Variants in ZHX2 observed in about 807,000 individuals in gnomAD.
ZHX2 encodes zinc fingers and homeoboxes protein 2.
A neutral mutation model predicts 21.9 loss-of-function variants in ZHX2; 6 were observed. The ratio of observed to expected loss-of-function variants is 0.27; its 90% CI spans 0.15 to 0.54. The LOEUF (loss-of-function observed/expected upper bound fraction) is 0.54. Ranked by LOEUF, ZHX2 falls within the 20% of genes least tolerant of loss-of-function variation. The pLI is 0.95. For missense variants in ZHX2, 908 were observed against 1,090.7 expected, an observed-to-expected ratio of 0.83 and a Z score of 2.36; for synonymous variants, 434 against 437.1, an observed-to-expected ratio of 0.99 and a Z score of 0.09.
chr8:122,947,681 A>G (rs4871329), intron 2 of ZHX2, among the ~76,000 whole-genome samples: 2,147 of 152,290 alleles, frequency 0.014, 45 homozygotes, highest in Admixed American at 0.057. Flanking sequence ...AGCTGTCAGC[A>G]AAAGCCTCTC....
chr8:122,923,699 G>A (rs1446568235), intron 2 of ZHX2, among the ~76,000 whole-genome samples: 1 of 152,210 alleles, frequency 6.6e-6, no homozygotes, highest in Non-Finnish European at 1.5e-5. Context: ...GAGACTGAGA[G>A]CAGAACTAAG....
chr8:122,876,248 C>T (rs1259471096), intron 2 of ZHX2, among the ~76,000 whole-genome samples: 1 of 151,922 alleles, frequency 6.6e-6, no homozygotes, highest in Non-Finnish European at 1.5e-5. Context: ...CCTGGGTCCT[C>T]CAAATTCATT....
chr8:122,834,942 G>A (rs752410435), intron 1 of ZHX2, among the ~76,000 whole-genome samples: 51 of 152,192 alleles, frequency 3.4e-4, no homozygotes, highest in Non-Finnish European at 6.5e-4. Flanking sequence ...TCCCAGTGGG[G>A]GTCCTGGTTG....
chr8:122,970,772 G>A (rs1281465877), intron 3 of ZHX2, among the ~76,000 whole-genome samples: 1 of 152,166 alleles, frequency 6.6e-6, no homozygotes, highest in East Asian at 1.9e-4. Context: ...GAAAGCACCG[G>A]CAGAGGCTGG....
At chr8:122,818,789 G>A (rs909669635) in intron 1 of ZHX2, among the ~76,000 whole-genome samples, 3 of 152,226 alleles carry the variant, frequency 2.0e-5, no homozygotes, top group Non-Finnish European at 2.9e-5. Context: ...TCCTGCTGCT[G>A]CTTTTCCCTG....
chr8:122,824,117 A>C (rs1586589182), intron 1 of ZHX2, among the ~76,000 whole-genome samples: 1 of 152,188 alleles, frequency 6.6e-6, no homozygotes, highest in South Asian at 2.1e-4. Flanking sequence ...GTCTCATCTC[A>C]TCACTTAGTC....
At chr8:122,806,864 A>G (rs1404984380) in intron 1 of ZHX2, among the ~76,000 whole-genome samples, 1 of 152,254 alleles carries the variant, frequency 6.6e-6, no homozygotes. Context: ...ACAGATGGGA[A>G]GCCTGAGGCA....
chr8:122,793,193 G>T (rs1166115484), intron 1 of ZHX2, among the ~76,000 whole-genome samples: 1 of 152,214 alleles, frequency 6.6e-6, no homozygotes, highest in Non-Finnish European at 1.5e-5. Flanking sequence ...GTGTCATGTT[G>T]TCATTGGCAT....
chr8:122,937,296 A>G (rs150923722), intron 2 of ZHX2, among the ~76,000 whole-genome samples: 26 of 152,364 alleles, frequency 1.7e-4, no homozygotes, highest in Admixed American at 1.1e-3. Flanking sequence ...AACCAGTGCT[A>G]TCCCGGTTTC....
intron 2 of ZHX2, among the ~76,000 whole-genome samples, chr8:122,936,202 C>G (rs570080805): frequency 3.9e-4 from 60 of 152,324 alleles, no homozygotes; most frequent in African/African-American, 1.4e-3. Context: ...GTGCCTCTCA[C>G]AGTTCACTCC....
At position 122,782,877 on chromosome 8, in the gene ZHX2, G is replaced by C. The variant is rs920957355; in HGVS notation, c.-283+931G>C. Among the ~76,000 whole-genome samples the C allele has an allele frequency of 1.3e-5, 2 of 152,250 alleles. No homozygotes were observed. Among genetic ancestry groups the C allele is most frequent in the Non-Finnish European group, 2.9e-5 (2 of 68,046 alleles). On this transcript the variant is annotated intron_variant, in intron 1 of 3. Transcript: ENST00000314393. This position sits in a 1 kb window ranked among gnomAD's most constrained non-coding sequence, Gnocchi z 5.3. ...CCCCACAAGAGGTTAATCTTTGTTG[G>C]TGTTGCAGCTTCTTTGTGGCTTCCC...
intron 2 of ZHX2, among the ~76,000 whole-genome samples, chr8:122,910,158 C>G (rs1482251303): frequency 1.3e-5 from 2 of 151,072 alleles, no homozygotes; most frequent in East Asian, 3.9e-4. Flanking sequence ...CAGAGCTGGA[C>G]AAAAGACTAG....
At chr8:122,926,335 T>G (rs1820851595) in intron 2 of ZHX2, among the ~76,000 whole-genome samples, 1 of 152,216 alleles carries the variant, frequency 6.6e-6, no homozygotes, top group Non-Finnish European at 1.5e-5. Flanking sequence ...GCTGTCTGGC[T>G]GCTGTCAGTT....
At chr8:122,800,371 G>A (rs1817694206) in intron 1 of ZHX2, among the ~76,000 whole-genome samples, 1 of 152,180 alleles carries the variant, frequency 6.6e-6, no homozygotes, top group South Asian at 2.1e-4. Context: ...TGTCCCTAGT[G>A]TTTCTGCTGT....
chr8:122,936,792 C>A (rs1812709446), intron 2 of ZHX2, among the ~76,000 whole-genome samples: 1 of 152,194 alleles, frequency 6.6e-6, no homozygotes, highest in African/African-American at 2.4e-5. Flanking sequence ...TCCGTCGTGG[C>A]GAGATAGCCA....
At chr8:122,834,132 G>T (rs895880090) in intron 1 of ZHX2, among the ~76,000 whole-genome samples, 4 of 152,190 alleles carry the variant, frequency 2.6e-5, no homozygotes, top group Non-Finnish European at 4.4e-5. Context: ...TGAAAAATTA[G>T]GTAAAGCAGA....
chr8:122,889,972 A>G (rs1273048541), intron 2 of ZHX2, among the ~76,000 whole-genome samples: 4 of 152,146 alleles, frequency 2.6e-5, no homozygotes, highest in African/African-American at 9.6e-5. Flanking sequence ...AGTTTGATAT[A>G]ATCCTGCTTG....
chr8:122,969,051 T>C (rs1276988186), intron 3 of ZHX2, among the ~76,000 whole-genome samples: 4 of 150,960 alleles, frequency 2.6e-5, no homozygotes, highest in Non-Finnish European at 5.9e-5. Flanking sequence ...GTTCCAGCCA[T>C]TCGGGAGGCT....
intron 2 of ZHX2, among the ~76,000 whole-genome samples, chr8:122,897,523 G>A (rs911300601): frequency 1.3e-5 from 2 of 152,138 alleles, no homozygotes; most frequent in African/African-American, 4.8e-5. Flanking sequence ...AGACTGAGAG[G>A]TTTTTGTTTT....
Sources: allele counts gnomAD v4.1 joint callset (sites outside exome capture counted in the v4.1 genomes callset), GRCh38; gene constraint gnomAD v4.1.1; non-coding constraint Gnocchi (gnomAD v3.1); transcripts MANE v1.5; gene names NCBI Gene and HGNC (gene_info 2026-07-23, HGNC 2026-07-21).